The following MMP26 variants were observed in gnomAD, a reference collection of about 807,000 sequenced individuals.
MMP26 encodes matrix metallopeptidase 26, also known as matrix metalloproteinase-26.
In MMP26, 33 loss-of-function variants were observed where a neutral mutation model predicts 31.0. That is an observed-to-expected ratio of 1.06 (90% CI 0.81 to 1.42). The LOEUF (loss-of-function observed/expected upper bound fraction) is 1.42. Among genes scored for constraint, MMP26 ranks in the 40% most tolerant of loss-of-function variants. The pLI, the probability that MMP26 is intolerant of heterozygous loss-of-function variation, is 0.00. For synonymous variants in MMP26, 122 were observed against 114.9 expected, an observed-to-expected ratio of 1.06 and a Z score of -0.40; for missense variants, 347 against 316.1, an observed-to-expected ratio of 1.10 and a Z score of -0.74.
intron 2 of MMP26, chr11:4,822,215 G>C: frequency 6.3e-7 from 1 of 1,587,158 alleles, no homozygotes. Flanking sequence ...CTTGTCCATC[G>C]CTATGGCCAT....
chr11:4,855,532 A>G (rs1850038147), intron 2 of MMP26, among the ~76,000 whole-genome samples: 1 of 152,190 alleles, frequency 6.6e-6, no homozygotes, highest in South Asian at 2.1e-4. Context: ...AAAAAGAGTA[A>G]AAAGAAAAGA....
intron 2 of MMP26, among the ~76,000 whole-genome samples, chr11:4,802,204 A>G (rs1433901): frequency 6.6e-6 from 1 of 152,094 alleles, no homozygotes; most frequent in Non-Finnish European, 1.5e-5. Context: ...CTGGAATTGC[A>G]GGTATTCATT....
chr11:4,732,504 A>G (rs1848185954), intron 1 of MMP26, among the ~76,000 whole-genome samples: 1 of 150,008 alleles, frequency 6.7e-6, no homozygotes, highest in African/African-American at 2.5e-5. Context: ...TTAATGTGTT[A>G]CTTGTTCCAG....
intron 2 of MMP26, among the ~76,000 whole-genome samples, chr11:4,779,373 TCTTA>T (rs1848829699): frequency 6.6e-6 from 1 of 152,224 alleles, no homozygotes; most frequent in Admixed American, 6.5e-5. Context: ...TTTTAAATGT[TCTTA>T]CTGAGTTATT....
At chr11:4,919,921 C>G (rs1001758312) in intron 2 of MMP26, among the ~76,000 whole-genome samples, 3 of 152,100 alleles carry the variant, frequency 2.0e-5, no homozygotes, top group Non-Finnish European at 2.9e-5. Context: ...AGAACTCAGT[C>G]CTTTGTTTCC....
At chr11:4,709,432 T>C (rs1188763103) in intron 1 of MMP26, 1 of 341,802 alleles carries the variant, frequency 2.9e-6, no homozygotes, top group Admixed American at 3.9e-5. Context: ...TGGCTATGCA[T>C]TTTCATTGAA....
chr11:4,738,953 C>G (rs1276272851), intron 1 of MMP26, among the ~76,000 whole-genome samples: 3 of 150,940 alleles, frequency 2.0e-5, no homozygotes, highest in Non-Finnish European at 1.5e-5. Flanking sequence ...TAACCCGTAC[C>G]TTGCTAGAGT....
At chr11:4,914,813 A>G (rs571196312) in intron 2 of MMP26, 4 of 1,614,030 alleles carry the variant, frequency 2.5e-6, no homozygotes, top group East Asian at 4.5e-5. Context: ...GAGAAGATAC[A>G]TGAAACCCAT....
chr11:4,747,140 A>T (rs1848392187), intron 1 of MMP26, among the ~76,000 whole-genome samples: 1 of 152,190 alleles, frequency 6.6e-6, no homozygotes, highest in Non-Finnish European at 1.5e-5. Context: ...AGCATTCTAC[A>T]GCATTTCTAT....
intron 2 of MMP26, among the ~76,000 whole-genome samples, chr11:4,804,789 A>G (rs1338621953): frequency 6.8e-6 from 1 of 146,002 alleles, no homozygotes; most frequent in Non-Finnish European, 1.5e-5. Flanking sequence ...TATTAAAAAT[A>G]CAAAAACAAA....
intron 2 of MMP26, among the ~76,000 whole-genome samples, chr11:4,971,916 T>G (rs1421090693): frequency 1.3e-5 from 2 of 151,642 alleles, no homozygotes; most frequent in Admixed American, 6.6e-5. Flanking sequence ...GAACATAGAG[T>G]GAGAACTCAC....
At chr11:4,807,202 C>T (rs888764786) in intron 2 of MMP26, among the ~76,000 whole-genome samples, 5 of 151,928 alleles carry the variant, frequency 3.3e-5, no homozygotes, top group Non-Finnish European at 5.9e-5. Flanking sequence ...GTAATGGGAT[C>T]GCTGGGTCAA....
intron 2 of MMP26, among the ~76,000 whole-genome samples, chr11:4,862,426 A>G (rs955441675): frequency 2.6e-5 from 4 of 152,104 alleles, no homozygotes; most frequent in Admixed American, 6.5e-5. Context: ...TTGAATGTCA[A>G]TCTTTCAGGA....
At chr11:4,730,027 T>G (rs963598539) in intron 1 of MMP26, among the ~76,000 whole-genome samples, 1 of 150,172 alleles carries the variant, frequency 6.7e-6, no homozygotes, top group Non-Finnish European at 1.5e-5. Context: ...ATGTTTTACA[T>G]TTATCGTTTT....
chr11:4,869,023 A>G lies in MMP26; in HGVS notation c.-145+101682A>G, dbSNP rs927451542. Among the ~76,000 whole-genome samples, 3 of 152,244 alleles carry G rather than the reference A, an allele frequency of 2.0e-5. No individual in the cohort carries two copies. In the East Asian group the frequency reaches 5.8e-4, roughly 29 times the overall value. ...GAAAACTGGCTAGCCATATGTAGAAAGCTGAAACTGGATCCTTCCTTACAC... is the reference window on the plus strand; with the variant it reads ...GAAAACTGGCTAGCCATATGTAGAAGGCTGAAACTGGATCCTTCCTTACAC... On this transcript the variant is annotated intron_variant, in intron 2 of 7. Coordinates refer to ENST00000380390, the MANE Select transcript of MMP26 (RefSeq NM_021801.5).
At chr11:4,823,438 T>C (rs1849538469) in intron 2 of MMP26, among the ~76,000 whole-genome samples, 1 of 152,160 alleles carries the variant, frequency 6.6e-6, no homozygotes, top group Non-Finnish European at 1.5e-5. Flanking sequence ...AACTCTGCCC[T>C]TTGGAAATGT....
At chr11:4,869,884 A>G (rs912772471) in intron 2 of MMP26, among the ~76,000 whole-genome samples, 12 of 152,220 alleles carry the variant, frequency 7.9e-5, no homozygotes, top group Non-Finnish European at 1.3e-4. Flanking sequence ...AGGGAATACT[A>G]TGCAGCCATA....
chr11:4,940,329 G>A (rs985297747), intron 2 of MMP26, among the ~76,000 whole-genome samples: 1 of 152,126 alleles, frequency 6.6e-6, no homozygotes, highest in African/African-American at 2.4e-5. Context: ...GCCCACCAAA[G>A]TGTACACTCT....
At chr11:4,848,902 AG>A in intron 2 of MMP26, 6 of 1,614,170 alleles carry the variant, frequency 3.7e-6, no homozygotes, top group Non-Finnish European at 5.1e-6. Context: ...AGGCAGGCTG[AG>A]GCAGGGACAG....
Sources: gnomAD v4.1 joint callset for allele counts (sites outside exome capture counted in the v4.1 genomes callset) on GRCh38, gnomAD v4.1.1 for gene constraint, MANE v1.5 for transcripts, NCBI Gene and HGNC (gene_info 2026-07-23, HGNC 2026-07-21) for gene names.